Variants in ADAM9 observed in about 807,000 individuals in gnomAD.
ADAM9 encodes ADAM metallopeptidase domain 9, also known as disintegrin and metalloproteinase domain-containing protein 9.
Under a neutral mutation model 108.1 loss-of-function variants are expected in ADAM9, and 54 were observed. The ratio of observed to expected loss-of-function variants is 0.50; its 90% CI spans 0.40 to 0.63. ADAM9 has a LOEUF of 0.63. Ranked by LOEUF, ADAM9 falls within the 20% of genes least tolerant of loss-of-function variation. The probability of loss-of-function intolerance (pLI) is 0.00; values close to 1 mark genes in which losing one functional copy is unlikely to be tolerated. For missense variants in ADAM9, 830 were observed against 997.7 expected, an observed-to-expected ratio of 0.83 and a Z score of 2.26; for synonymous variants, 316 against 336.0, an observed-to-expected ratio of 0.94 and a Z score of 0.65.
At chr8:38,998,862 C>T (rs941497651) in intron 1 of ADAM9, among the ~76,000 whole-genome samples, 4 of 152,106 alleles carry the variant, frequency 2.6e-5, no homozygotes, top group Non-Finnish European at 5.9e-5. Context: ...GAAGATCAAA[C>T]TAAGGTAGGT....
chr8:39,045,194 A>G (rs1273075764), intron 12 of ADAM9, among the ~76,000 whole-genome samples: 2 of 86,704 alleles, frequency 2.3e-5, no homozygotes, highest in African/African-American at 7.7e-5. Flanking sequence ...ATACATACAT[A>G]TATGTGTATA....
chr8:39,084,039 G>A (rs1839104988), intron 18 of ADAM9, among the ~76,000 whole-genome samples: 1 of 152,124 alleles, frequency 6.6e-6, no homozygotes. Flanking sequence ...TAGGTATGTA[G>A]TGGTATTTCA....
At chr8:39,079,774 G>A (rs1187960073) in intron 16 of ADAM9, among the ~76,000 whole-genome samples, 1 of 152,070 alleles carries the variant, frequency 6.6e-6, no homozygotes, top group Non-Finnish European at 1.5e-5. Flanking sequence ...TAGTAGAGAC[G>A]GGGTTTCGCC....
intron 14 of ADAM9, among the ~76,000 whole-genome samples, chr8:39,060,223 A>G (rs771224665): frequency 6.6e-6 from 1 of 152,240 alleles, no homozygotes; most frequent in Non-Finnish European, 1.5e-5. Context: ...CCAAAATCCT[A>G]AATGCCTGCA....
chr8:39,077,853 T>C (rs1838896580), intron 16 of ADAM9, among the ~76,000 whole-genome samples: 1 of 152,174 alleles, frequency 6.6e-6, no homozygotes, highest in South Asian at 2.1e-4. Context: ...AGTGGTTTCA[T>C]ATGAGAAGAT....
intron 16 of ADAM9, among the ~76,000 whole-genome samples, chr8:39,077,921 T>C (rs1838899238): frequency 6.6e-6 from 1 of 151,902 alleles, no homozygotes; most frequent in Non-Finnish European, 1.5e-5. Context: ...TAATTAAGAG[T>C]GCGGGCAGAA....
chr8:39,001,065 T>C (rs1357580083), intron 1 of ADAM9, among the ~76,000 whole-genome samples: 43 of 152,204 alleles, frequency 2.8e-4, no homozygotes, highest in Admixed American at 2.8e-3. Flanking sequence ...AATCTTCATA[T>C]GAGTAGACCC....
At chr8:39,082,871 G>C (rs1839066625) in intron 17 of ADAM9, 97 bp from the exon 18 acceptor site, 5 of 1,332,770 alleles carry the variant, frequency 3.8e-6, no homozygotes, top group Non-Finnish European at 5.3e-6. Flanking sequence ...CAGTAAGCTT[G>C]TATGAATTTA....
At chr8:39,056,426 C>A (rs1309461008) in intron 14 of ADAM9, among the ~76,000 whole-genome samples, 3 of 151,886 alleles carry the variant, frequency 2.0e-5, no homozygotes, top group Non-Finnish European at 2.9e-5. Context: ...TTTTTTTGTT[C>A]TAGGCATTAG....
intron 1 of ADAM9, among the ~76,000 whole-genome samples, chr8:39,002,012 C>T (rs1280067143): frequency 6.9e-6 from 1 of 144,596 alleles, no homozygotes; most frequent in Non-Finnish European, 1.5e-5. Flanking sequence ...CTGGAATTGA[C>T]CTGGCGAATA....
At chr8:39,086,261 C>T (rs561315263) in intron 18 of ADAM9, among the ~76,000 whole-genome samples, 2 of 152,194 alleles carry the variant, frequency 1.3e-5, no homozygotes, top group Non-Finnish European at 2.9e-5. Context: ...ATGATTCACC[C>T]ACCTCAGCCT....
chr8:39,018,658 A>G, intron 6 of ADAM9, 195 bp from the exon 7 acceptor site: 1 of 617,230 alleles, frequency 1.6e-6, no homozygotes, highest in African/African-American at 1.8e-5. Flanking sequence ...CATTAGCAGA[A>G]CTGGACAAAG....
intron 2 of ADAM9, among the ~76,000 whole-genome samples, chr8:39,009,930 GAGACAA>G (rs1318148057): frequency 5.6e-4 from 22 of 38,984 alleles, no homozygotes; most frequent in Non-Finnish European, 2.2e-4. Flanking sequence ...GAGAGAGAGA[GAGACAA>G]AAACAAAAAC....
intron 11 of ADAM9, 48 bp from the exon 12 acceptor site, chr8:39,041,898 A>C (rs1274384476): frequency 6.4e-7 from 1 of 1,564,808 alleles, no homozygotes; most frequent in Non-Finnish European, 8.8e-7. Context: ...ACATTTTCAA[A>C]GTGAGTAATC....
At chr8:39,035,706 A>T (rs1837249395) in intron 11 of ADAM9, among the ~76,000 whole-genome samples, 1 of 152,016 alleles carries the variant, frequency 6.6e-6, no homozygotes, top group Non-Finnish European at 1.5e-5. Context: ...AGTCCCAGCT[A>T]CTGAGGAGGC....
intron 20 of ADAM9, 35 bp from the exon 21 acceptor site, chr8:39,101,828 T>C: frequency 1.3e-6 from 2 of 1,489,150 alleles, no homozygotes; most frequent in Non-Finnish European, 1.9e-6. Context: ...TATGAGCACA[T>C]AGTGGTAATA....
At chr8:39,040,295 C>A (rs182597911) in intron 11 of ADAM9, among the ~76,000 whole-genome samples, 1 of 152,054 alleles carries the variant, frequency 6.6e-6, no homozygotes, top group Non-Finnish European at 1.5e-5. Context: ...GCGATCCGCC[C>A]GCCTCAGCCT....
At chr8:39,082,569 G>T (rs1839056487) in intron 16 of ADAM9, 72 bp from the exon 17 acceptor site, 1 of 1,110,752 alleles carries the variant, frequency 9.0e-7, no homozygotes, top group Admixed American at 1.8e-5. Context: ...CTGTACCCAG[G>T]TCTTTTTTCT....
Position 39,105,045 on chromosome 8 carries a change from CATTA to C in ADAM9, c.*1351_*1354del. The C allele has an allele frequency of 2.4e-6, 1 of 408,656 alleles. No homozygotes were observed. The highest frequency in any genetic ancestry group is 4.7e-6 in the Non-Finnish European group (1 of 213,658). 25.3% of individuals were successfully genotyped at this position (408,656 alleles called of 1,614,324 possible). The stretch of plus-strand genomic sequence containing the variant: ...CTTCCTACTCAACTATTTATAATCT[CATTA>C]ATTAAAAAGTTATAATTTTAGATAA... On this transcript the variant is annotated 3_prime_UTR_variant, in exon 22 of 22. Transcript: ENST00000487273.
Sources: gnomAD v4.1 joint callset for allele counts (sites outside exome capture counted in the v4.1 genomes callset) on GRCh38, gnomAD v4.1.1 for gene constraint, MANE v1.5 for transcripts, NCBI Gene and HGNC (gene_info 2026-07-23, HGNC 2026-07-21) for gene names.